CRTC1: variants seen among roughly 807,000 people sequenced by gnomAD.
The protein encoded by CRTC1 is CREB-regulated transcription coactivator 1.
Under a neutral mutation model 66.1 loss-of-function variants are expected in CRTC1, and 18 were observed. The ratio of observed to expected loss-of-function variants is 0.27; its 90% CI spans 0.19 to 0.40. The LOEUF (loss-of-function observed/expected upper bound fraction) is 0.40, where lower values mean the gene tolerates loss of function less well. Among genes scored for constraint, CRTC1 ranks in the 10% least tolerant of loss-of-function variants. The pLI is 1.00. For missense variants in CRTC1, 669 were observed against 887.9 expected, an observed-to-expected ratio of 0.75 and a Z score of 3.13; for synonymous variants, 416 against 398.8, an observed-to-expected ratio of 1.04 and a Z score of -0.51.
chr19:18,694,352 G>C (rs2052933494), intron 1 of CRTC1, among the ~76,000 whole-genome samples: 1 of 151,060 alleles, frequency 6.6e-6, no homozygotes, highest in Non-Finnish European at 1.5e-5. Context: ...AAAAGTACCA[G>C]TTGGGACCCA....
At chr19:18,696,256 A>C (rs1415804119) in intron 1 of CRTC1, among the ~76,000 whole-genome samples, 1 of 152,108 alleles carries the variant, frequency 6.6e-6, no homozygotes, top group Admixed American at 6.5e-5. Context: ...AGGGTGAGGC[A>C]GGGCGGTTCA....
At chr19:18,763,907 G>T (rs914301894) in intron 8 of CRTC1, among the ~76,000 whole-genome samples, 10 of 152,320 alleles carry the variant, frequency 6.6e-5, no homozygotes, top group Admixed American at 5.9e-4. Flanking sequence ...GTGGCCCAGG[G>T]TCGTGACTCT....
intron 1 of CRTC1, among the ~76,000 whole-genome samples, chr19:18,714,574 G>A (rs2053464642): frequency 6.6e-6 from 1 of 152,168 alleles, no homozygotes; most frequent in African/African-American, 2.4e-5. Flanking sequence ...CCAAAGTGCT[G>A]GGATTACAGG....
chr19:18,694,779 A>G (rs1042298547), intron 1 of CRTC1, among the ~76,000 whole-genome samples: 1 of 152,170 alleles, frequency 6.6e-6, no homozygotes, highest in Non-Finnish European at 1.5e-5. Flanking sequence ...TCTGGGACTC[A>G]CACACAGTTT....
At chr19:18,709,034 C>T (rs939430053) in intron 1 of CRTC1, among the ~76,000 whole-genome samples, 12 of 152,158 alleles carry the variant, frequency 7.9e-5, no homozygotes, top group East Asian at 1.9e-4. Context: ...AATGTCCACC[C>T]GGTACCTCCT....
rs368035887 is a variant in CRTC1, at chr19:18,741,331, G to A, written c.127-1579G>A. On this transcript the variant is annotated intron_variant, in intron 1 of 13. Coordinates refer to ENST00000321949, the MANE Select transcript of CRTC1 (RefSeq NM_015321.3). This position sits in a 1 kb window ranked among gnomAD's most constrained non-coding sequence, Gnocchi z 4.2. ...CTCAGCCCGTGTAGAAAGCACATGT[G>A]GCATGAGTACCTGCTGTGTCACACG... Among the ~76,000 whole-genome samples, 9 of 152,332 alleles carry A rather than the reference G, an allele frequency of 5.9e-5. No homozygotes were observed. The East Asian group carries it at 1.5e-3, about 26-fold the overall frequency.
At chr19:18,710,193 A>G (rs555562539) in intron 1 of CRTC1, among the ~76,000 whole-genome samples, 41 of 152,068 alleles carry the variant, frequency 2.7e-4, no homozygotes, top group African/African-American at 9.4e-4. Flanking sequence ...TTTTCTGCAC[A>G]GCCCCACTCA....
chr19:18,694,820 A>G (rs2052944687), intron 1 of CRTC1, among the ~76,000 whole-genome samples: 1 of 151,990 alleles, frequency 6.6e-6, no homozygotes, highest in South Asian at 2.1e-4. Context: ...GTTAAGGAAG[A>G]TCAGCTGCAG....
intron 1 of CRTC1, among the ~76,000 whole-genome samples, chr19:18,720,722 G>A (rs2053607757): frequency 6.6e-6 from 1 of 151,890 alleles, no homozygotes; most frequent in Non-Finnish European, 1.5e-5. Flanking sequence ...GGCTGATCTC[G>A]AACTCCTGAC....
chr19:18,711,686 C>T (rs761363149), intron 1 of CRTC1, among the ~76,000 whole-genome samples: 11 of 152,094 alleles, frequency 7.2e-5, no homozygotes, highest in South Asian at 6.2e-4. Context: ...GGGTGGGTGC[C>T]GGGCAGTTCC....
chr19:18,715,647 G>A (rs959740840), intron 1 of CRTC1, among the ~76,000 whole-genome samples: 9 of 152,218 alleles, frequency 5.9e-5, no homozygotes, highest in African/African-American at 2.2e-4. Flanking sequence ...CCCGGGGACG[G>A]GCCTGTCCTC....
intron 1 of CRTC1, among the ~76,000 whole-genome samples, chr19:18,708,345 A>G (rs2053311346): frequency 6.6e-6 from 1 of 152,134 alleles, no homozygotes; most frequent in Non-Finnish European, 1.5e-5. Context: ...GGAGAGGAGA[A>G]CAGGGAAGGG....
chr19:18,754,526 A>T (rs558170740), intron 6 of CRTC1, among the ~76,000 whole-genome samples: 19 of 152,336 alleles, frequency 1.2e-4, no homozygotes, highest in Non-Finnish European at 2.5e-4. Flanking sequence ...GGGAAAAAAA[A>T]ATATTTGCTC....
intron 11 of CRTC1, among the ~76,000 whole-genome samples, chr19:18,774,083 C>G (rs1568543215): frequency 6.6e-6 from 1 of 152,154 alleles, no homozygotes. Context: ...GCCAGAGCTC[C>G]CAGCCCCCTG....
At chr19:18,772,913 G>A (rs1475951093) in intron 11 of CRTC1, among the ~76,000 whole-genome samples, 1 of 152,228 alleles carries the variant, frequency 6.6e-6, no homozygotes, top group South Asian at 2.1e-4. Context: ...CCTGTCCCAG[G>A]TGGGCAGCCC....
chr19:18,726,943 A>AG (rs1467208480), intron 1 of CRTC1, among the ~76,000 whole-genome samples: 1 of 151,518 alleles, frequency 6.6e-6, no homozygotes, highest in Non-Finnish European at 1.5e-5. Context: ...AAAAAAAAAA[A>AG]AAAAAAAAAG....
chr19:18,728,220 GCA>G (rs1393379615), intron 1 of CRTC1, among the ~76,000 whole-genome samples: 1 of 152,188 alleles, frequency 6.6e-6, no homozygotes, highest in Non-Finnish European at 1.5e-5. Context: ...CGGTGAGGTT[GCA>G]CAGAGGTTGG....
intron 1 of CRTC1, among the ~76,000 whole-genome samples, chr19:18,720,985 TGCAGGTGTCG>T (rs1416213193): frequency 6.6e-6 from 1 of 152,170 alleles, no homozygotes; most frequent in Middle Eastern, 3.2e-3. Flanking sequence ...ATGTATTCAG[TGCAGGTGTCG>T]GCAGGGCTGG....
intron 1 of CRTC1, among the ~76,000 whole-genome samples, chr19:18,696,413 G>A (rs1568480576): frequency 1.3e-5 from 2 of 152,102 alleles, no homozygotes. Flanking sequence ...TCCAGGGAGT[G>A]GCAGGAACTG....
Sources: allele counts gnomAD v4.1 joint callset (sites outside exome capture counted in the v4.1 genomes callset), GRCh38; gene constraint gnomAD v4.1.1; non-coding constraint Gnocchi (gnomAD v3.1); transcripts MANE v1.5; gene names NCBI Gene and HGNC (gene_info 2026-07-23, HGNC 2026-07-21).